MITF: variants seen among roughly 807,000 people sequenced by gnomAD.
MITF encodes melanocyte inducing transcription factor.
In MITF, 17 loss-of-function variants were observed where a neutral mutation model predicts 60.5. The observed-to-expected ratio is 0.28, with a 90% CI of 0.19 to 0.42. The LOEUF is 0.42. Among genes scored for constraint, MITF ranks in the 10% least tolerant of loss-of-function variants. MITF has a pLI of 1.00. For synonymous variants in MITF, 260 were observed against 248.5 expected (o/e 1.05, Z -0.43); for missense variants, 622 against 683.5 (o/e 0.91, Z 1.00).
At chr3:69,906,345 G>GT (rs1242916200) in intron 2 of MITF, among the ~76,000 whole-genome samples, 1 of 152,088 alleles carries the variant, frequency 6.6e-6, no homozygotes. Flanking sequence ...CTCTTGATTA[G>GT]TGTAGCAAGT....
At chr3:69,878,848 T>C (rs1417844387) in intron 1 of MITF, among the ~76,000 whole-genome samples, 1 of 151,660 alleles carries the variant, frequency 6.6e-6, no homozygotes, top group Non-Finnish European at 1.5e-5. Context: ...TATTTGGTGG[T>C]GATGAGTAGT....
intron 1 of MITF, among the ~76,000 whole-genome samples, chr3:69,805,017 A>G (rs1260721500): frequency 6.6e-6 from 1 of 152,202 alleles, no homozygotes; most frequent in Admixed American, 6.5e-5. Flanking sequence ...TTCTGGGTGT[A>G]TTGTGGAGAC....
intron 1 of MITF, 116 bp downstream of exon 1, chr3:69,739,817 G>A (rs1424006501): frequency 3.9e-6 from 3 of 760,186 alleles, no homozygotes; most frequent in Non-Finnish European, 4.5e-6. Flanking sequence ...CAGTGCCCTT[G>A]CCCCGGAGCA....
intron 2 of MITF, among the ~76,000 whole-genome samples, chr3:69,882,056 C>T (rs1042588812): frequency 6.6e-5 from 10 of 152,142 alleles, no homozygotes; most frequent in African/African-American, 2.4e-4. Flanking sequence ...AAGTTACCAA[C>T]ATTCTGCTAT....
intron 1 of MITF, chr3:69,763,451 C>T: frequency 1.0e-6 from 1 of 961,074 alleles, no homozygotes; most frequent in Non-Finnish European, 1.3e-6. Context: ...CACCTCCCTC[C>T]TTCCTGGCTG....
chr3:69,768,315 G>T (rs2062334206), intron 1 of MITF, among the ~76,000 whole-genome samples: 1 of 152,198 alleles, frequency 6.6e-6, no homozygotes, highest in African/African-American at 2.4e-5. Flanking sequence ...GAGCATGCTT[G>T]CATGTACACA....
chr3:69,875,642 C>T (rs1286175792), intron 1 of MITF, among the ~76,000 whole-genome samples: 1 of 152,182 alleles, frequency 6.6e-6, no homozygotes, highest in African/African-American at 2.4e-5. Context: ...AGCATCACGT[C>T]CTCGTTTTAA....
intron 5 of MITF, among the ~76,000 whole-genome samples, chr3:69,941,651 A>G (rs921105562): frequency 1.3e-5 from 2 of 152,158 alleles, no homozygotes; most frequent in African/African-American, 4.8e-5. Context: ...AACCATTGTG[A>G]ACTGCACTAT....
Position 69,933,252 on chromosome 3 carries a change from C to T in MITF, c.355-4570C>T, listed in dbSNP as rs992391373. ...TTAAGAAAATCTACACTCGCTTCTA[C>T]TTGAATTCTGGTTTACAAATAGTAG... On this transcript the variant is annotated intron_variant, in intron 2 of 9. Transcript: ENST00000352241. 3.3e-5 allele frequency among the ~76,000 whole-genome samples: 5 copies of T among 152,028 alleles called. 1 individual carries two copies. In the South Asian group the frequency reaches 8.3e-4, roughly 25 times the overall value.
At position 69,864,848 on chromosome 3, in the gene MITF, G is replaced by T. The variant is rs999408499; in HGVS notation, c.105-14286G>T. 3.9e-5 allele frequency among the ~76,000 whole-genome samples: 6 copies of T among 152,196 alleles called. 1 individual carries two copies. The highest frequency in any genetic ancestry group is 3.9e-4 in the Admixed American group (6 of 15,278). Reference sequence around the variant, plus strand: ...ATATGTTGTTACTGCTGCCTGGAAAGCATTTTTTCTATACTCCTCCTCTCC... The same window carrying T: ...ATATGTTGTTACTGCTGCCTGGAAATCATTTTTTCTATACTCCTCCTCTCC... On this transcript the variant is annotated intron_variant, in intron 1 of 9. Transcript: ENST00000352241.
intron 1 of MITF, among the ~76,000 whole-genome samples, chr3:69,845,929 T>A (rs2063724588): frequency 6.6e-6 from 1 of 152,180 alleles, no homozygotes; most frequent in Non-Finnish European, 1.5e-5. Context: ...CTAGGTTAAT[T>A]CATTCACCAA....
At chr3:69,747,816 G>A (rs749593289) in intron 1 of MITF, among the ~76,000 whole-genome samples, 3 of 152,122 alleles carry the variant, frequency 2.0e-5, no homozygotes, top group Non-Finnish European at 4.4e-5. Flanking sequence ...TTGTTCTCCT[G>A]ACTGTTGTTG....
chr3:69,892,124 G>A (rs1311708989), intron 2 of MITF, among the ~76,000 whole-genome samples: 1 of 152,030 alleles, frequency 6.6e-6, no homozygotes, highest in Non-Finnish European at 1.5e-5. Flanking sequence ...CTATGATAAA[G>A]TACAAATTGA....
At chr3:69,851,769 C>T (rs975588606) in intron 1 of MITF, among the ~76,000 whole-genome samples, 5 of 151,666 alleles carry the variant, frequency 3.3e-5, no homozygotes, top group African/African-American at 4.8e-5. Context: ...AAAACTCGAA[C>T]GGAAGGTGAA....
chr3:69,938,542 A>G, intron 3 of MITF: 1 of 1,419,532 alleles, frequency 7.0e-7, no homozygotes, highest in South Asian at 1.7e-5. Flanking sequence ...ATCATATAGC[A>G]CATGAGACTT....
intron 1 of MITF, among the ~76,000 whole-genome samples, chr3:69,760,000 G>A (rs932637922): frequency 8.5e-5 from 13 of 152,122 alleles, no homozygotes; most frequent in Non-Finnish European, 1.9e-4. Flanking sequence ...GGGTGGTCTC[G>A]ATCTCCTGAC....
At chr3:69,949,503 C>T (rs1395624561) in intron 6 of MITF, among the ~76,000 whole-genome samples, 2 of 152,034 alleles carry the variant, frequency 1.3e-5, no homozygotes, top group African/African-American at 4.8e-5. Context: ...CTCCACCCTA[C>T]CTGATATGTA....
chr3:69,924,436 T>G (rs2107441225), intron 2 of MITF, among the ~76,000 whole-genome samples: 1 of 152,340 alleles, frequency 6.6e-6, no homozygotes, highest in East Asian at 1.9e-4. Flanking sequence ...ACACTTTTCC[T>G]TTTATGGAGA....
chr3:69,846,886 A>G (rs1459017584), intron 1 of MITF, among the ~76,000 whole-genome samples: 1 of 152,030 alleles, frequency 6.6e-6, no homozygotes, highest in Admixed American at 6.5e-5. Flanking sequence ...GTTTAATACA[A>G]TCCCAGAGAT....
Sources: gnomAD v4.1 joint callset for allele counts (sites outside exome capture counted in the v4.1 genomes callset) on GRCh38, gnomAD v4.1.1 for gene constraint, MANE v1.5 for transcripts, NCBI Gene and HGNC (gene_info 2026-07-23, HGNC 2026-07-21) for gene names.